The following KANK1 variants were observed in gnomAD, a reference collection of about 807,000 sequenced individuals.
KANK1 encodes KN motif and ankyrin repeat domains 1, also known as KN motif and ankyrin repeat domain-containing protein 1.
A neutral mutation model predicts 106.2 loss-of-function variants in KANK1; 109 were observed. The ratio of observed to expected loss-of-function variants is 1.03; its 90% CI spans 0.88 to 1.20. The LOEUF (loss-of-function observed/expected upper bound fraction) is 1.20. KANK1 is among the 50% of genes most tolerant of loss of function. KANK1 has a pLI of 0.00. For missense variants in KANK1, 2,399 were observed against 1,710.7 expected (o/e 1.40, Z -7.10); for synonymous variants, 873 against 652.2 (o/e 1.34, Z -5.16).
intron 1 of KANK1, among the ~76,000 whole-genome samples, chr9:669,397 C>G (rs1020712470): frequency 6.6e-6 from 1 of 152,122 alleles, no homozygotes; most frequent in Non-Finnish European, 1.5e-5. Context: ...TAAGACAGAT[C>G]TAGTAGTGGT....
intron 1 of KANK1, among the ~76,000 whole-genome samples, chr9:617,229 G>A (rs925840562): frequency 6.6e-6 from 1 of 152,010 alleles, no homozygotes; most frequent in Non-Finnish European, 1.5e-5. Flanking sequence ...TTTGGCAGTG[G>A]TTTAGTTTCT....
rs115947832 is a variant in KANK1, at chr9:567,586, G to A, written c.-84+62832G>A. Among the ~76,000 whole-genome samples the A allele has an allele frequency of 6.6e-3, 1,012 of 152,292 alleles. 12 individuals carry two copies. Among genetic ancestry groups the A allele is most frequent in the African/African-American group, 0.023 (968 of 41,552 alleles). ...CACTTCCCTCTTCTAAGTACCTTCT[G>A]CATTGATTGGAGCCAGCAAAGAGAA... On this transcript the variant is annotated intron_variant, in intron 1 of 11. Transcript: ENST00000382297.
At chr9:673,758 C>T (rs1353535622) in intron 1 of KANK1, 1 of 152,012 alleles carries the variant, frequency 6.6e-6, no homozygotes, top group Non-Finnish European at 1.5e-5. Context: ...CTTCATTCAC[C>T]CCTAGCACAT....
At chr9:681,277 T>C (rs1216876418) in intron 2 of KANK1, among the ~76,000 whole-genome samples, 1 of 152,178 alleles carries the variant, frequency 6.6e-6, no homozygotes, top group Non-Finnish European at 1.5e-5. Context: ...GCAGCGTCTT[T>C]TGTTAAGGAG....
rs980004799 is a variant in KANK1 at position 741,048 on chromosome 9, G to C, written c.3696+114G>C. On this transcript the variant is annotated intron_variant, in intron 9 of 11. Coordinates refer to ENST00000382297, the MANE Select transcript of KANK1 (RefSeq NM_015158.5). ...GCCACGCTTCCACCACAGTGCACTT[G>C]TTTGCAGGCCTGCCCTGAGTCCATA... 2.5e-5 allele frequency: 30 copies of C among 1,187,326 alleles called. No homozygotes were observed. In the Admixed American group the frequency reaches 7.2e-4, roughly 29 times the overall value. 73.5% of individuals were successfully genotyped at this position (1,187,326 alleles called of 1,614,324 possible). A position where few individuals can be genotyped will look rare whatever the true frequency, so the allele number is the denominator to read the frequency against.
At chr9:718,813 C>T (rs1165084447) in intron 3 of KANK1, among the ~76,000 whole-genome samples, 3 of 152,162 alleles carry the variant, frequency 2.0e-5, no homozygotes, top group South Asian at 2.1e-4. Context: ...CATATTTGTC[C>T]TTTCTCCTCT....
chr9:705,372 G>A (rs138893844), intron 2 of KANK1, among the ~76,000 whole-genome samples: 59 of 152,234 alleles, frequency 3.9e-4, no homozygotes, highest in African/African-American at 1.4e-3. Context: ...TGTAATCCCA[G>A]CTCCTCGGGA....
At chr9:693,506 A>G in intron 2 of KANK1, 1 of 985,422 alleles carries the variant, frequency 1.0e-6, no homozygotes, top group Non-Finnish European at 1.2e-6. Flanking sequence ...ATCAGAAGGA[A>G]GATGAGAGAG....
At chr9:508,009 C>A (rs543816224) in intron 1 of KANK1, among the ~76,000 whole-genome samples, 2 of 149,760 alleles carry the variant, frequency 1.3e-5, no homozygotes, top group Admixed American at 6.7e-5. Context: ...TTGTTAGAGA[C>A]GGGGGTTTTA....
intron 1 of KANK1, among the ~76,000 whole-genome samples, chr9:508,932 T>A (rs115913291): frequency 2.7e-3 from 407 of 152,318 alleles, no homozygotes; most frequent in African/African-American, 9.6e-3. Context: ...AAGTAGAATT[T>A]CCCAGTTCCA....
At chr9:741,594 T>TCTC (rs1835553560) in intron 9 of KANK1, among the ~76,000 whole-genome samples, 1 of 151,502 alleles carries the variant, frequency 6.6e-6, no homozygotes, top group African/African-American at 2.4e-5. Context: ...TTCACACCAT[T>TCTC]CTCCTGCCTC....
chr9:589,644 G>C (rs984497216), intron 1 of KANK1, among the ~76,000 whole-genome samples: 1 of 152,036 alleles, frequency 6.6e-6, no homozygotes, highest in Non-Finnish European at 1.5e-5. Context: ...CGTCCCCTGA[G>C]CCAGGAAGGA....
intron 1 of KANK1, among the ~76,000 whole-genome samples, chr9:640,054 T>G (rs1015948535): frequency 6.6e-6 from 1 of 152,120 alleles, no homozygotes; most frequent in African/African-American, 2.4e-5. Flanking sequence ...ACCATAGCAG[T>G]CTCTCAGACC....
At chr9:486,783 C>G (rs1042191198) in intron 3 of KANK1, among the ~76,000 whole-genome samples, 3 of 152,136 alleles carry the variant, frequency 2.0e-5, no homozygotes, top group Non-Finnish European at 4.4e-5. Context: ...TTTTAAGACT[C>G]TTCAATTATA....
chr9:728,224 C>CTCTGTGA (rs1831259936), intron 3 of KANK1, among the ~76,000 whole-genome samples: 1 of 151,872 alleles, frequency 6.6e-6, no homozygotes, highest in Admixed American at 6.6e-5. Context: ...ATGGAGTCTC[C>CTCTGTGA]CTCTGTCACT....
chr9:737,053 T>G (rs1391565681), intron 7 of KANK1, among the ~76,000 whole-genome samples: 1 of 152,168 alleles, frequency 6.6e-6, no homozygotes, highest in Non-Finnish European at 1.5e-5. Flanking sequence ...GTGAAAGTGT[T>G]TAAAGTATTG....
At chr9:622,630 G>A (rs573999809) in intron 1 of KANK1, among the ~76,000 whole-genome samples, 1 of 152,292 alleles carries the variant, frequency 6.6e-6, no homozygotes, top group Non-Finnish European at 1.5e-5. Flanking sequence ...GAGGCCGGGT[G>A]CAGTGGCTCA....
intron 1 of KANK1, among the ~76,000 whole-genome samples, chr9:506,439 A>G (rs1359668290): frequency 1.3e-5 from 2 of 152,162 alleles, no homozygotes; most frequent in African/African-American, 2.4e-5. Flanking sequence ...TTATCCCCTT[A>G]GGGCACAGGG....
At chr9:561,729 T>TA (rs1204110309) in intron 1 of KANK1, among the ~76,000 whole-genome samples, 4 of 152,194 alleles carry the variant, frequency 2.6e-5, no homozygotes, top group Admixed American at 1.3e-4. Context: ...TAAGGCTCCT[T>TA]AAAAAATGCA....
Sources: gnomAD v4.1 joint callset for allele counts (sites outside exome capture counted in the v4.1 genomes callset) on GRCh38, gnomAD v4.1.1 for gene constraint, MANE v1.5 for transcripts, NCBI Gene and HGNC (gene_info 2026-07-23, HGNC 2026-07-21) for gene names.